Variants in TACC2 observed in about 807,000 individuals in gnomAD.
The protein encoded by TACC2 is transforming acidic coiled-coil-containing protein 2.
TACC2 carries 137 observed loss-of-function variants against 227.3 expected under a neutral mutation model. That is an observed-to-expected ratio of 0.60 (90% CI 0.52 to 0.69). TACC2 has a LOEUF of 0.69. TACC2 is among the 30% of genes least tolerant of loss of function. TACC2 has a pLI of 0.00. For missense variants in TACC2, 3,470 were observed against 3,694.4 expected (o/e 0.94, Z 1.57); for synonymous variants, 1,523 against 1,487.5 (o/e 1.02, Z -0.55).
chr10:122,210,875 G>A lies in TACC2; in HGVS notation c.6450G>A (p.Val2150=). Reference sequence around the variant, plus strand: ...AGAAACCCACAGAGACCCCCCCAGTGAAGGAGACGCAACAGGAGCCAGATG... The same window carrying A: ...AGAAACCCACAGAGACCCCCCCAGTAAAGGAGACGCAACAGGAGCCAGATG... ...TTKKPTETPP[V]KETQQEPDEE... Residue 2150 remains valine, a synonymous_variant, in exon 9 of 23, where the codon GTG becomes GTA. Coordinates refer to ENST00000369005, the MANE Select transcript of TACC2 (RefSeq NM_206862.4). The surrounding 1 kb of genome is among the most constrained non-coding windows in gnomAD (Gnocchi z 4.6). 6.2e-7 allele frequency: 1 copy of A among 1,613,254 alleles called. No homozygotes were observed. The highest frequency in any genetic ancestry group is 1.1e-5 in the South Asian group (1 of 91,020).
At chr10:122,093,954 T>C (rs2081100425) in intron 5 of TACC2, among the ~76,000 whole-genome samples, 1 of 152,210 alleles carries the variant, frequency 6.6e-6, no homozygotes, top group Admixed American at 6.5e-5. Flanking sequence ...AGAAACTGGA[T>C]GAGCGTCTGT....
At chr10:122,185,018 ATTCTTT>A (rs1481289080) in intron 7 of TACC2, among the ~76,000 whole-genome samples, 1 of 107,034 alleles carries the variant, frequency 9.3e-6, no homozygotes. Context: ...TCTGTCACTT[ATTCTTT>A]TTTTTTTTTT....
At chr10:122,016,057 T>C (rs7088896) in intron 1 of TACC2, among the ~76,000 whole-genome samples, 68,846 of 151,040 alleles carry the variant, frequency 0.46, 15,819 homozygotes, top group South Asian at 0.6. Context: ...GCCCAGGAAT[T>C]GGAGACCAGC....
chr10:122,145,771 C>A (rs1382796685), intron 7 of TACC2, among the ~76,000 whole-genome samples: 1 of 152,144 alleles, frequency 6.6e-6, no homozygotes, highest in Non-Finnish European at 1.5e-5. Context: ...TGCCTCCTGG[C>A]ACCAGCAGAC....
At chr10:122,081,383 C>G (rs1408875096) in intron 3 of TACC2, among the ~76,000 whole-genome samples, 1 of 145,974 alleles carries the variant, frequency 6.9e-6, no homozygotes, top group South Asian at 2.2e-4. Flanking sequence ...AAAAAATTAG[C>G]TGGGCGTGGT....
At chr10:122,121,035 C>T (rs936918838) in intron 5 of TACC2, among the ~76,000 whole-genome samples, 1 of 152,170 alleles carries the variant, frequency 6.6e-6, no homozygotes, top group Admixed American at 6.5e-5. Context: ...GCTGGGATTA[C>T]AGGCGTGAAC....
At chr10:122,122,064 A>G (rs1310772728) in intron 5 of TACC2, among the ~76,000 whole-genome samples, 2 of 152,074 alleles carry the variant, frequency 1.3e-5, no homozygotes. Flanking sequence ...CTTCTATAAA[A>G]TAACTTGTTA....
chr10:122,121,955 GA>G (rs770992526), intron 5 of TACC2, among the ~76,000 whole-genome samples: 1 of 152,208 alleles, frequency 6.6e-6, no homozygotes, highest in Non-Finnish European at 1.5e-5. Context: ...CGGGGAGGGG[GA>G]TGGCAGCATG....
chr10:122,134,479 G>A (rs1182643790), intron 6 of TACC2, among the ~76,000 whole-genome samples: 2 of 152,218 alleles, frequency 1.3e-5, no homozygotes, highest in Admixed American at 6.5e-5. Flanking sequence ...TCGCCTGGCC[G>A]AGTCAGCCAT....
chr10:122,160,371 T>C (rs575949847), intron 7 of TACC2, among the ~76,000 whole-genome samples: 200 of 152,136 alleles, frequency 1.3e-3, no homozygotes, highest in African/African-American at 4.6e-3. Flanking sequence ...TTAGGAGTAG[T>C]GGGGTTCCCT....
In TACC2 at chr10:122,211,109, T is replaced by C. The variant is rs1593391165; in HGVS notation, c.6684T>C (p.Pro2228=). ...GTGGCAGAGTGCAGAACTCACCCCCTGTCGGGAGGAAAACGCTGCCTCTTA... is the reference window on the plus strand; with the variant it reads ...GTGGCAGAGTGCAGAACTCACCCCCCGTCGGGAGGAAAACGCTGCCTCTTA... ...SGGGRVQNSP[P]VGRKTLPLTT... Residue 2228 remains proline, a synonymous_variant, in exon 9 of 23, where the codon CCT becomes CCC. Transcript: ENST00000369005. 5.6e-6 allele frequency: 9 copies of C among 1,611,394 alleles called. No individual in the cohort carries two copies. The highest frequency in any genetic ancestry group is 7.6e-6 in the Non-Finnish European group (9 of 1,178,900).
intron 1 of TACC2, among the ~76,000 whole-genome samples, chr10:121,996,881 A>G (rs1264194405): frequency 3.3e-5 from 5 of 152,092 alleles, no homozygotes; most frequent in Admixed American, 2.0e-4. Context: ...CCTGGACTCA[A>G]TAGAGAAAGC....
chr10:122,035,274 C>T (rs1959912705), intron 2 of TACC2, among the ~76,000 whole-genome samples: 1 of 152,156 alleles, frequency 6.6e-6, no homozygotes, highest in Non-Finnish European at 1.5e-5. Context: ...GAAGCCCCTC[C>T]CTGCTGGGCA....
At position 122,132,648 on chromosome 10, in the gene TACC2, C is replaced by T. The variant is rs374068486; in HGVS notation, c.5613C>T (p.Pro1871=). ...ATGATATCATCCAGCCCGCTGCCCC[C>T]GCAGACCTGGAAAGCCCAACCTTAG... The part of the protein sequence containing the change: ...VADDIIQPAA[P]ADLESPTLAA... The change falls in exon 6 of 23, where the codon CCC becomes CCT. Residue 1871 remains proline, a synonymous_variant. Transcript: ENST00000369005. 11 of 1,614,070 alleles carry T rather than the reference C, an allele frequency of 6.8e-6. No homozygotes were observed. Among genetic ancestry groups the T allele is most frequent in the African/African-American group, 4.0e-5 (3 of 74,930 alleles).
chr10:122,042,336 G>A (rs377338315), intron 2 of TACC2, among the ~76,000 whole-genome samples: 10 of 151,940 alleles, frequency 6.6e-5, no homozygotes, highest in African/African-American at 1.9e-4. Context: ...TCTGCCTCCC[G>A]GGGTCAAGCG....
At chr10:122,208,939 G>A (rs1231515468) in intron 8 of TACC2, among the ~76,000 whole-genome samples, 1 of 152,244 alleles carries the variant, frequency 6.6e-6, no homozygotes. Flanking sequence ...TGTGACCTCA[G>A]AAATGCATGA....
At chr10:122,245,094 C>G (rs2141825972) in intron 19 of TACC2, 1 of 152,314 alleles carries the variant, frequency 6.6e-6, no homozygotes, top group Middle Eastern at 3.4e-3. Context: ...GCTTTTCCCC[C>G]TAATTTGACA....
intron 5 of TACC2, among the ~76,000 whole-genome samples, chr10:122,092,790 G>A (rs1397469242): frequency 6.6e-6 from 1 of 152,304 alleles, no homozygotes; most frequent in East Asian, 1.9e-4. Flanking sequence ...GCATAGAAAT[G>A]TATAGAATGA....
intron 1 of TACC2, among the ~76,000 whole-genome samples, chr10:122,017,991 G>T (rs1218832906): frequency 7.8e-6 from 1 of 127,940 alleles, no homozygotes. Flanking sequence ...GACCTCATTC[G>T]TTTTATTTAT....
Sources: gnomAD v4.1 joint callset for allele counts (sites outside exome capture counted in the v4.1 genomes callset) on GRCh38, gnomAD v4.1.1 for gene constraint, Gnocchi (gnomAD v3.1) non-coding constraint, MANE v1.5 for transcripts, NCBI Gene and HGNC (gene_info 2026-07-23, HGNC 2026-07-21) for gene names.